ZBBX: variants seen among roughly 807,000 people sequenced by gnomAD.
ZBBX encodes zinc finger B-box domain containing.
Under a neutral mutation model 108.5 loss-of-function variants are expected in ZBBX, and 101 were observed. The ratio of observed to expected loss-of-function variants is 0.93; its 90% confidence interval spans 0.79 to 1.10. ZBBX has a LOEUF of 1.10. ZBBX is among the 50% of genes least tolerant of loss of function. The pLI is 0.00. For synonymous variants in ZBBX, 356 were observed against 323.4 expected, an observed-to-expected ratio of 1.10 and a Z score of -1.08; for missense variants, 1,009 against 941.4, an observed-to-expected ratio of 1.07 and a Z score of -0.94.
At position 167,327,941 on chromosome 3, in the gene ZBBX, C is replaced by T. The variant is rs1560131126; in HGVS notation, c.862+1G>A. 2.1e-6 allele frequency: 3 copies of T among 1,419,748 alleles called. No individual in the cohort carries two copies. The highest frequency in any genetic ancestry group is 2.9e-6 in the Non-Finnish European group (3 of 1,042,464). The allele number at this position is 1,419,748 out of a possible 1,614,324, so 87.9% of individuals were successfully genotyped here. On this transcript the variant is annotated splice_donor_variant, in intron 11 of 21. Coordinates refer to ENST00000675490, the MANE Select transcript of ZBBX (RefSeq NM_001199201.2). LOFTEE classifies it high-confidence loss of function. ...AAAAAAAAAAAAAAAAAAAGCCATA[C>T]CTTTTACTGCTGCATGTAAATTCTG...
intron 16 of ZBBX, among the ~76,000 whole-genome samples, chr3:167,312,282 G>C (rs906418096): frequency 6.6e-6 from 1 of 152,190 alleles, no homozygotes; most frequent in Non-Finnish European, 1.5e-5. Flanking sequence ...GTTGGTCAGA[G>C]AGAGGGATAA....
chr3:167,216,744 A>C, the ZBBX span, among the ~76,000 whole-genome samples: 1 of 152,304 alleles, frequency 6.6e-6, no homozygotes, highest in African/African-American at 2.4e-5. Context: ...ACAGTGACCA[A>C]AATAGCATGG....
At chr3:167,222,222 CA>C in the ZBBX span, among the ~76,000 whole-genome samples, 126,266 of 143,430 alleles carry the variant, frequency 0.88, 55,922 homozygotes, top group Non-Finnish European at 0.94. Flanking sequence ...ACTATTTGGC[CA>C]AAAAAAAAAA....
intron 13 of ZBBX, 150 bp downstream of exon 13, chr3:167,317,338 T>C (rs1735633975): frequency 1.5e-6 from 1 of 655,612 alleles, no homozygotes; most frequent in Non-Finnish European, 2.5e-6. Flanking sequence ...AAGAAGTGAG[T>C]GTACATGATT....
chr3:167,348,256 T>C (rs1285189935), intron 9 of ZBBX, among the ~76,000 whole-genome samples: 1 of 36,782 alleles, frequency 2.7e-5, no homozygotes, highest in Non-Finnish European at 5.0e-5. Context: ...GGAGGGAGGG[T>C]GGAAGGGAAG....
At chr3:167,358,935 C>CAAAAAA (rs59753251) in intron 8 of ZBBX, among the ~76,000 whole-genome samples, 2 of 66,230 alleles carry the variant, frequency 3.0e-5, no homozygotes, top group Non-Finnish European at 2.6e-5. Flanking sequence ...GACTCCATCT[C>CAAAAAA]AAAAAAAAAA....
intron 21 of ZBBX, among the ~76,000 whole-genome samples, chr3:167,241,150 A>C (rs1197852153): frequency 9.2e-5 from 14 of 152,174 alleles, no homozygotes; most frequent in South Asian, 2.1e-4. Context: ...AGTAGAATCA[A>C]GGAGAGACTT....
chr3:167,336,589 G>T (rs142269782), intron 9 of ZBBX, among the ~76,000 whole-genome samples: 1 of 152,052 alleles, frequency 6.6e-6, no homozygotes, highest in South Asian at 2.1e-4. Context: ...ACAAAATGTC[G>T]TGACTTGAAA....
At chr3:167,281,076 G>A (rs984125631) in intron 20 of ZBBX, among the ~76,000 whole-genome samples, 3 of 152,158 alleles carry the variant, frequency 2.0e-5, no homozygotes, top group African/African-American at 7.2e-5. Context: ...GACACAGGAA[G>A]GGGAACATCA....
In ZBBX at chr3:167,392,156, G is replaced by A. The variant is rs529576151; in HGVS notation, c.-445-11751C>T. ...CATTATAAATGGAATCACACAATTT[G>A]TACTCTCCCATGTAAGTCTTCTTTA... On this transcript the variant is annotated intron_variant, in intron 1 of 21. Transcript: ENST00000455345. Among the ~76,000 whole-genome samples, 8 of 151,804 alleles carry A rather than the reference G, an allele frequency of 5.3e-5. No individual in the cohort carries two copies. The East Asian group carries it at 1.6e-3, about 29-fold the overall frequency.
chr3:167,405,810 G>A (rs1222758211), intron 1 of ZBBX, among the ~76,000 whole-genome samples: 3 of 152,282 alleles, frequency 2.0e-5, no homozygotes, highest in East Asian at 1.9e-4. Flanking sequence ...GGTGGCTGAC[G>A]CCTGTAATCC....
intron 18 of ZBBX, among the ~76,000 whole-genome samples, chr3:167,295,762 A>AT (rs1731589428): frequency 9.2e-5 from 1 of 10,850 alleles, no homozygotes; most frequent in Non-Finnish European, 1.7e-4. Flanking sequence ...TATATATAAA[A>AT]AAAACTAGTA....
intron 2 of ZBBX, among the ~76,000 whole-genome samples, chr3:167,374,187 T>C (rs1746601472): frequency 6.6e-6 from 1 of 152,094 alleles, no homozygotes. Flanking sequence ...TATGTAATAA[T>C]TACCCAAAGG....
chr3:167,185,553 G>T, the ZBBX span, among the ~76,000 whole-genome samples: 1 of 152,012 alleles, frequency 6.6e-6, no homozygotes, highest in Non-Finnish European at 1.5e-5. Flanking sequence ...TAGAAAAGAG[G>T]TTATATTATT....
At chr3:167,301,988 T>C (rs1215035528) in intron 17 of ZBBX, among the ~76,000 whole-genome samples, 1 of 146,918 alleles carries the variant, frequency 6.8e-6, no homozygotes, top group Non-Finnish European at 1.5e-5. Flanking sequence ...AACCTAGACA[T>C]ATTTGAATTG....
chr3:167,228,779 G>A, the ZBBX span, among the ~76,000 whole-genome samples: 6 of 151,736 alleles, frequency 4.0e-5, no homozygotes, highest in Admixed American at 6.6e-5. Flanking sequence ...GACAGCCCAT[G>A]ACCCCATCAT....
At position 167,359,881 on chromosome 3, in the gene ZBBX, C is replaced by A; in HGVS notation, c.421G>T (p.Ala141Ser). Residue 141 changes from alanine to serine, a missense_variant, in exon 8 of 22, where the codon GCT becomes TCT. Physicochemically the swap from Ala to Ser is moderately conservative, Grantham distance 99. Coordinates refer to ENST00000675490, the MANE Select transcript of ZBBX (RefSeq NM_001199201.2). The stretch of plus-strand genomic sequence containing the variant: ...TATAACGTACATACCAGTAGAGCAG[C>A]TTTGTTCTCACACTGTCCACATACT... ...GKVCGQCENK[A>S]ALLVCLECGE... 6.6e-7 allele frequency: 1 copy of A among 1,523,904 alleles called. No individual in the cohort carries two copies. Among genetic ancestry groups the A allele is most frequent in the South Asian group, 1.2e-5 (1 of 80,024 alleles). 94.4% of individuals were successfully genotyped at this position (1,523,904 alleles called of 1,614,324 possible). A position where few individuals can be genotyped will look rare whatever the true frequency, so the allele number is the denominator to read the frequency against.
At chr3:167,267,369 G>T (rs1725713164) in intron 20 of ZBBX, among the ~76,000 whole-genome samples, 2 of 152,144 alleles carry the variant, frequency 1.3e-5, no homozygotes, top group Admixed American at 1.3e-4. Flanking sequence ...TAAGCCTCCA[G>T]GGAAGGATAG....
chr3:167,208,620 C>T, the ZBBX span, among the ~76,000 whole-genome samples: 128 of 152,158 alleles, frequency 8.4e-4, no homozygotes, highest in African/African-American at 2.9e-3. Context: ...GCACCACCTG[C>T]TGATTAAAGA....
Sources: gnomAD v4.1 joint callset for allele counts (sites outside exome capture counted in the v4.1 genomes callset) on GRCh38, gnomAD v4.1.1 for gene constraint, MANE v1.5 for transcripts, NCBI Gene and HGNC (gene_info 2026-07-23, HGNC 2026-07-21) for gene names.